The following CALD1 variants were observed in gnomAD, a reference collection of about 807,000 sequenced individuals.
CALD1 encodes the protein caldesmon.
A neutral mutation model predicts 99.9 loss-of-function variants in CALD1; 33 were observed. The ratio of observed to expected loss-of-function variants is 0.33; its 90% CI spans 0.25 to 0.44. The LOEUF is 0.44. Among genes scored for constraint, CALD1 ranks in the 20% least tolerant of loss-of-function variants. CALD1 has a pLI of 1.00. For missense variants in CALD1, 861 were observed against 962.1 expected (o/e 0.89, Z 1.39); for synonymous variants, 310 against 325.0 (o/e 0.95, Z 0.50).
At chr7:134,713,147 G>GTGT in the CALD1 span, among the ~76,000 whole-genome samples, 1 of 152,292 alleles carries the variant, frequency 6.6e-6, no homozygotes, top group Non-Finnish European at 1.5e-5. Context: ...AGTGACATTG[G>GTGT]TGTTCATAAT....
intron 1 of CALD1, among the ~76,000 whole-genome samples, chr7:134,789,714 G>A (rs562493763): frequency 2.0e-5 from 3 of 152,066 alleles, no homozygotes; most frequent in Middle Eastern, 3.2e-3. Flanking sequence ...GATTAAAAAG[G>A]GCTCACTGCT....
At chr7:134,900,316 A>G (rs1586246736) in intron 3 of CALD1, among the ~76,000 whole-genome samples, 2 of 152,144 alleles carry the variant, frequency 1.3e-5, no homozygotes, top group African/African-American at 4.8e-5. Flanking sequence ...CAGCTGTTTC[A>G]TGAATGTTAT....
chr7:134,764,414 G>C (rs1796808217), intron 1 of CALD1, among the ~76,000 whole-genome samples: 1 of 152,198 alleles, frequency 6.6e-6, no homozygotes, highest in South Asian at 2.1e-4. Flanking sequence ...ATATATGACT[G>C]ATGATTTTAT....
chr7:134,892,770 GGAGA>G (rs1411652516), intron 3 of CALD1, among the ~76,000 whole-genome samples: 2 of 152,188 alleles, frequency 1.3e-5, no homozygotes, highest in Non-Finnish European at 2.9e-5. Context: ...ATTGTATAAA[GGAGA>G]TGTTCTGGTT....
intron 9 of CALD1, among the ~76,000 whole-genome samples, chr7:134,956,773 A>C (rs1807803180): frequency 1.3e-5 from 2 of 152,228 alleles, no homozygotes; most frequent in African/African-American, 2.4e-5. Flanking sequence ...GGAACTTTTC[A>C]GCGTGCATGT....
At chr7:134,956,496 T>G (rs1663870666) in intron 9 of CALD1, among the ~76,000 whole-genome samples, 1 of 152,236 alleles carries the variant, frequency 6.6e-6, no homozygotes, top group Non-Finnish European at 1.5e-5. Flanking sequence ...CCCTCTCTAT[T>G]CTGCACTATA....
chr7:134,844,929 C>G (rs1474539888), intron 2 of CALD1, among the ~76,000 whole-genome samples: 3 of 152,228 alleles, frequency 2.0e-5, no homozygotes, highest in Non-Finnish European at 2.9e-5. Flanking sequence ...TTGAAGAACT[C>G]ATCTCCAAAT....
At chr7:134,811,621 C>A (rs1411478706) in intron 1 of CALD1, among the ~76,000 whole-genome samples, 1 of 152,176 alleles carries the variant, frequency 6.6e-6, no homozygotes, top group South Asian at 2.1e-4. Flanking sequence ...AATGGAAATA[C>A]TTAGATAGAT....
intron 8 of CALD1, among the ~76,000 whole-genome samples, chr7:134,949,560 C>T (rs1807169832): frequency 6.6e-6 from 1 of 152,126 alleles, no homozygotes; most frequent in Non-Finnish European, 1.5e-5. Context: ...ATTATATATT[C>T]ACTTGAAGCG....
intron 14 of CALD1, among the ~76,000 whole-genome samples, chr7:134,966,597 T>C (rs1415657589): frequency 6.6e-6 from 1 of 152,172 alleles, no homozygotes; most frequent in Non-Finnish European, 1.5e-5. Context: ...GAAGTAACTT[T>C]CCCAAAGTCA....
chr7:134,752,438 C>G (rs1332976097), intron 1 of CALD1, among the ~76,000 whole-genome samples: 1 of 152,166 alleles, frequency 6.6e-6, no homozygotes. Context: ...CATCACTACC[C>G]TAAACCATCT....
the CALD1 span, among the ~76,000 whole-genome samples, chr7:134,736,099 G>A: frequency 7.5e-4 from 114 of 152,266 alleles, 1 homozygote; most frequent in East Asian, 5.8e-4. Flanking sequence ...AGTGCTTTCC[G>A]TGGGAAATGG....
At chr7:134,820,798 G>A (rs547038191) in intron 1 of CALD1, among the ~76,000 whole-genome samples, 92 of 152,256 alleles carry the variant, frequency 6.0e-4, no homozygotes, top group African/African-American at 2.1e-3. Flanking sequence ...AGGGGTGGTC[G>A]TGGACTGTAG....
At position 134,897,653 on chromosome 7, in the gene CALD1, T is replaced by A. The variant is rs759945553; in HGVS notation, c.71+29849T>A. 7.6e-4 allele frequency among the ~76,000 whole-genome samples: 116 copies of A among 152,172 alleles called. 1 individual carries two copies. The highest frequency in any genetic ancestry group is 7.5e-4 in the Non-Finnish European group (51 of 68,000). ...GCTGGTGACAACCCAGGCTGCCAGCTACAAGGGTCAGCATGGAGGTTTTTT... is the reference window on the plus strand; with the variant it reads ...GCTGGTGACAACCCAGGCTGCCAGCAACAAGGGTCAGCATGGAGGTTTTTT... On this transcript the variant is annotated intron_variant, in intron 3 of 14. Coordinates refer to ENST00000361675, the MANE Select transcript of CALD1 (RefSeq NM_033138.4).
chr7:134,726,441 T>TTA, the CALD1 span, among the ~76,000 whole-genome samples: 5 of 135,116 alleles, frequency 3.7e-5, no homozygotes, highest in Non-Finnish European at 6.3e-5. Context: ...TTATATAGCT[T>TTA]TATATATATA....
chr7:134,900,996 C>T (rs1328514314), intron 3 of CALD1, among the ~76,000 whole-genome samples: 1 of 152,002 alleles, frequency 6.6e-6, no homozygotes, highest in Non-Finnish European at 1.5e-5. Context: ...GGAGTTATCT[C>T]GTTGGCTTAC....
intron 2 of CALD1, among the ~76,000 whole-genome samples, chr7:134,848,925 A>G (rs1799963342): frequency 6.6e-6 from 1 of 152,220 alleles, no homozygotes; most frequent in Non-Finnish European, 1.5e-5. Flanking sequence ...TCGTTAATTC[A>G]TTCATTCTAC....
the CALD1 span, among the ~76,000 whole-genome samples, chr7:134,722,417 A>G: frequency 9.3e-3 from 1,381 of 147,890 alleles, 9 homozygotes; most frequent in Non-Finnish European, 0.014. Context: ...TTATTTATTT[A>G]TTTGTTTGTT....
At chr7:134,749,396 G>C (rs1025949533) in intron 1 of CALD1, among the ~76,000 whole-genome samples, 7 of 152,182 alleles carry the variant, frequency 4.6e-5, no homozygotes, top group Non-Finnish European at 1.0e-4. Flanking sequence ...GAGGTGGGCG[G>C]ATCACTTGAG....
Sources: gnomAD v4.1 joint callset for allele counts (sites outside exome capture counted in the v4.1 genomes callset) on GRCh38, gnomAD v4.1.1 for gene constraint, MANE v1.5 for transcripts, NCBI Gene and HGNC (gene_info 2026-07-23, HGNC 2026-07-21) for gene names.